The following FGFR1OP2 variants were observed in gnomAD, a reference collection of about 807,000 sequenced individuals.
The protein encoded by FGFR1OP2 is FGFR1 oncogene partner 2, also known as fibroblast growth factor receptor 1 oncogene partner 2.
In FGFR1OP2, 17 loss-of-function variants were observed where a neutral mutation model predicts 35.2. The observed-to-expected ratio is 0.48, with a 90% CI of 0.33 to 0.73. FGFR1OP2 has a LOEUF of 0.73. FGFR1OP2 is among the 30% of genes least tolerant of loss of function. The probability of loss-of-function intolerance (pLI) is 0.02; values close to 1 mark genes in which losing one functional copy is unlikely to be tolerated. For missense variants in FGFR1OP2, 251 were observed against 307.3 expected (o/e 0.82, Z 1.37); for synonymous variants, 105 against 104.6 (o/e 1.00, Z -0.03).
chr12:26,942,347 G>T (rs765437412), intron 1 of FGFR1OP2, among the ~76,000 whole-genome samples: 1 of 152,162 alleles, frequency 6.6e-6, no homozygotes, highest in Non-Finnish European at 1.5e-5. Context: ...GAATTCCTGG[G>T]TCTATTTTCT....
chr12:26,959,507 A>C (rs560820493), intron 4 of FGFR1OP2, among the ~76,000 whole-genome samples: 4 of 152,192 alleles, frequency 2.6e-5, no homozygotes, highest in Admixed American at 1.3e-4. Flanking sequence ...AGTGCTTAGA[A>C]TAGGATAACT....
intron 1 of FGFR1OP2, among the ~76,000 whole-genome samples, chr12:26,940,427 G>T (rs1053971410): frequency 3.3e-5 from 5 of 152,068 alleles, no homozygotes; most frequent in Admixed American, 2.0e-4. Context: ...AATTTTCTTT[G>T]CTTTCACATA....
intron 1 of FGFR1OP2, among the ~76,000 whole-genome samples, chr12:26,943,646 G>A (rs937971469): frequency 6.6e-6 from 1 of 152,044 alleles, no homozygotes; most frequent in African/African-American, 2.4e-5. Flanking sequence ...CCAACATGAC[G>A]AAACCCCATC....
At position 26,964,904 on chromosome 12, in the gene FGFR1OP2, A is replaced by T. The variant is rs1939153934; in HGVS notation, c.*171A>T. 1 of 579,458 alleles carries T rather than the reference A, an allele frequency of 1.7e-6. No individual in the cohort carries two copies. Among genetic ancestry groups the T allele is most frequent in the Admixed American group, 3.4e-5 (1 of 29,796 alleles). 35.9% of individuals were successfully genotyped at this position (579,458 alleles called of 1,614,324 possible). ...AGTTAATGGTCATAGACTTTATTCC[A>T]AAACATAATTGGAAAATAGAAACTG... On this transcript the variant is annotated 3_prime_UTR_variant, in exon 7 of 7. Transcript: ENST00000229395.
intron 1 of FGFR1OP2, among the ~76,000 whole-genome samples, chr12:26,940,290 T>A (rs1165880336): frequency 6.6e-6 from 1 of 152,172 alleles, no homozygotes; most frequent in Non-Finnish European, 1.5e-5. Context: ...CGTGTAATTT[T>A]AAAAAAATCC....
intron 1 of FGFR1OP2, among the ~76,000 whole-genome samples, chr12:26,950,605 C>T (rs1938912393): frequency 6.6e-6 from 1 of 152,132 alleles, no homozygotes. Flanking sequence ...ATTCTAAAAG[C>T]ATATCACCTA....
intron 6 of FGFR1OP2, 92 bp from the exon 7 acceptor site, chr12:26,964,504 C>A: frequency 7.1e-7 from 1 of 1,410,828 alleles, no homozygotes; most frequent in Non-Finnish European, 9.7e-7. Context: ...TTTGTTATAC[C>A]TTCATATGTT....
rs146281622 is a variant in FGFR1OP2 at position 26,941,202 on chromosome 12, A to G, written c.-15+2492A>G. On this transcript the variant is annotated intron_variant, in intron 1 of 6. Coordinates refer to ENST00000229395, the MANE Select transcript of FGFR1OP2 (RefSeq NM_015633.3). The stretch of plus-strand genomic sequence containing the variant: ...ATTATGGCCAGTTAAGGTAGGCACT[A>G]TAAAAATAGGCCGAAAAGTTTAGAA... 7.5e-3 allele frequency among the ~76,000 whole-genome samples: 1,137 copies of G among 152,264 alleles called. 12 individuals carry two copies. Among genetic ancestry groups the G allele is most frequent in the Non-Finnish European group, 0.012 (800 of 68,020 alleles).
chr12:26,959,706 TC>T (rs1203573929), intron 4 of FGFR1OP2, among the ~76,000 whole-genome samples: 1 of 152,176 alleles, frequency 6.6e-6, no homozygotes, highest in Non-Finnish European at 1.5e-5. Flanking sequence ...GATCCTTGCC[TC>T]CCATAAAATG....
chr12:26,960,696 A>G, intron 5 of FGFR1OP2, 68 bp downstream of exon 5: 1 of 1,531,820 alleles, frequency 6.5e-7, no homozygotes, highest in African/African-American at 1.4e-5. Context: ...AAGTGCTTTT[A>G]CATTGAATTT....
chr12:26,961,696 C>G (rs1014987625), intron 5 of FGFR1OP2: 1 of 152,082 alleles, frequency 6.6e-6, no homozygotes, highest in Non-Finnish European at 1.5e-5. Flanking sequence ...CGAGGTCGTG[C>G]CATTGCACTC....
intron 1 of FGFR1OP2, among the ~76,000 whole-genome samples, chr12:26,951,295 C>G (rs1456197323): frequency 6.6e-6 from 1 of 151,578 alleles, no homozygotes; most frequent in Non-Finnish European, 1.5e-5. Flanking sequence ...TTACAGGCAC[C>G]CCCCGACCAG....
intron 1 of FGFR1OP2, among the ~76,000 whole-genome samples, chr12:26,947,028 T>C (rs1938838772): frequency 6.6e-6 from 1 of 152,182 alleles, no homozygotes; most frequent in African/African-American, 2.4e-5. Flanking sequence ...CTTTTTTTTT[T>C]TTGCCAGATA....
intron 2 of FGFR1OP2, 123 bp downstream of exon 2, chr12:26,954,416 G>C (rs978821357): frequency 2.6e-6 from 3 of 1,170,842 alleles, no homozygotes; most frequent in African/African-American, 3.1e-5. Flanking sequence ...AGCTTGACTT[G>C]TGTGTTTCAG....
rs922060464 is a variant in FGFR1OP2, at chr12:26,954,139, T to C, written c.-14-6T>C. ...TTTTGAGTCTTGATTTTAATTTTAA[T>C]TATAGATATATCTTTAGAAATGAGT... On this transcript the variant is annotated splice_polypyrimidine_tract_variant and splice_region_variant and intron_variant, in intron 1 of 6. Coordinates refer to ENST00000229395, the MANE Select transcript of FGFR1OP2 (RefSeq NM_015633.3). The C allele has an allele frequency of 6.5e-7, 1 of 1,546,550 alleles. No individual in the cohort carries two copies. The highest frequency in any genetic ancestry group is 8.7e-7 in the Non-Finnish European group (1 of 1,145,414).
chr12:26,947,596 G>A (rs1938850358), intron 1 of FGFR1OP2, among the ~76,000 whole-genome samples: 1 of 152,064 alleles, frequency 6.6e-6, no homozygotes. Context: ...TGCCCAGGCT[G>A]GTCTTGAATT....
At chr12:26,942,178 G>T (rs970145383) in intron 1 of FGFR1OP2, among the ~76,000 whole-genome samples, 1 of 152,162 alleles carries the variant, frequency 6.6e-6, no homozygotes, top group Non-Finnish European at 1.5e-5. Flanking sequence ...GATTACAGGC[G>T]TGCGCCACCA....
chr12:26,957,516 C>T (rs1206063598), intron 3 of FGFR1OP2, 85 bp from the exon 4 acceptor site: 3 of 1,189,168 alleles, frequency 2.5e-6, no homozygotes, highest in Admixed American at 4.6e-5. Flanking sequence ...TTTAAAATGT[C>T]CCGTTCATAA....
chr12:26,957,756 AT>A lies in FGFR1OP2; in HGVS notation c.396+14del. ...GCAGCACTCCAAGGTAATCCATTCT[AT>A]AAATGTGACCTGAAATGGAAAAGAG... is the stretch of plus-strand genomic sequence containing the variant. On this transcript the variant is annotated intron_variant, in intron 4 of 6. Coordinates refer to ENST00000229395, the MANE Select transcript of FGFR1OP2 (RefSeq NM_015633.3). 6.3e-7 allele frequency: 1 copy of A among 1,586,668 alleles called. No individual in the cohort carries two copies. Among genetic ancestry groups the A allele is most frequent in the Non-Finnish European group, 8.6e-7 (1 of 1,168,228 alleles).
Sources: allele counts gnomAD v4.1 joint callset (sites outside exome capture counted in the v4.1 genomes callset), GRCh38; gene constraint gnomAD v4.1.1; transcripts MANE v1.5; gene names NCBI Gene and HGNC (gene_info 2026-07-23, HGNC 2026-07-21).